Variants in RB1CC1 observed in about 807,000 individuals in gnomAD.
RB1CC1 encodes RB1-inducible coiled-coil protein 1.
A neutral mutation model predicts 177.5 loss-of-function variants in RB1CC1; 46 were observed. That is an observed-to-expected ratio of 0.26 (90% CI 0.20 to 0.33). RB1CC1 has a LOEUF of 0.33. Among genes scored for constraint, RB1CC1 ranks in the 10% least tolerant of loss-of-function variants. The probability of loss-of-function intolerance (pLI) is 1.00; values close to 1 mark genes in which losing one functional copy is unlikely to be tolerated. For missense variants in RB1CC1, 1,703 were observed against 1,816.3 expected (o/e 0.94, Z 1.13); for synonymous variants, 666 against 613.6 (o/e 1.09, Z -1.26).
At chr8:52,646,573 T>C (rs890748954) in intron 15 of RB1CC1, among the ~76,000 whole-genome samples, 2 of 152,198 alleles carry the variant, frequency 1.3e-5, no homozygotes, top group Admixed American at 6.5e-5. Flanking sequence ...TTCCATAAAA[T>C]AGTCTTTGGT....
In RB1CC1 at chr8:52,673,855, G is replaced by A. The variant is rs145052579; in HGVS notation, c.992C>T (p.Ser331Phe). 1 of 1,608,012 alleles carries A rather than the reference G, an allele frequency of 6.2e-7. No homozygotes were observed. Among genetic ancestry groups the A allele is most frequent in the Non-Finnish European group, 8.5e-7 (1 of 1,175,712 alleles). Residue 331 changes from serine (S) to phenylalanine (F), a missense_variant, in exon 7 of 24, where the codon TCT (serine) becomes TTT (phenylalanine). By Grantham distance (155) the Ser-to-Phe change is radical. Transcript: ENST00000025008. ...VESLVRKCFD[S>F]MSRLDPRIIR... ...ATTAACGTTACTTACCCTGCTCATAGAATCAAAGCACTTCCTGACCAAAGA... is the reference window on the plus strand; with the variant it reads ...ATTAACGTTACTTACCCTGCTCATAAAATCAAAGCACTTCCTGACCAAAGA...
intron 1 of RB1CC1, among the ~76,000 whole-genome samples, chr8:52,695,978 G>A (rs974277857): frequency 6.6e-6 from 1 of 152,202 alleles, no homozygotes; most frequent in African/African-American, 2.4e-5. Context: ...TACCTGAAAT[G>A]AGGGCAGTTT....
At chr8:52,643,696 CAA>C (rs34520917) in intron 16 of RB1CC1, among the ~76,000 whole-genome samples, 6,311 of 81,436 alleles carry the variant, frequency 0.077, 147 homozygotes, top group Non-Finnish European at 0.11. Context: ...CTCTAAGAGG[CAA>C]AAAAAAAAAA....
In RB1CC1 at chr8:52,657,700, A is replaced by G. The variant is rs2150481950; in HGVS notation, c.2129T>C (p.Ile710Thr). Residue 710 changes from isoleucine to threonine, a missense_variant, in exon 15 of 24, where the codon ATA (isoleucine) becomes ACA (threonine). Ile to Thr is a moderately conservative substitution (Grantham distance 89). Coordinates refer to ENST00000025008, the MANE Select transcript of RB1CC1 (RefSeq NM_014781.5). Reference sequence around the variant, plus strand: ...AGAAACTTGGTGAATAGTCTGTTCTATGTTTGGATGGGGAATAGTTTCAAA... The same window carrying G: ...AGAAACTTGGTGAATAGTCTGTTCTGTGTTTGGATGGGGAATAGTTTCAAA... The part of the protein sequence containing the change: ...FDFETIPHPN[I>T]EQTIHQVSLD... The G allele has an allele frequency of 6.2e-7, 1 of 1,614,164 alleles. No individual in the cohort carries two copies. Among genetic ancestry groups the G allele is most frequent in the East Asian group, 2.2e-5 (1 of 44,862 alleles).
At chr8:52,634,456 G>C (rs1013851828) in intron 20 of RB1CC1, among the ~76,000 whole-genome samples, 1 of 151,864 alleles carries the variant, frequency 6.6e-6, no homozygotes, top group East Asian at 1.9e-4. Context: ...AACCCGGGAG[G>C]TGGAGGTTGC....
intron 1 of RB1CC1, among the ~76,000 whole-genome samples, chr8:52,694,710 T>C (rs184985439): frequency 3.7e-4 from 57 of 152,182 alleles, no homozygotes; most frequent in African/African-American, 1.2e-3. Context: ...ACTTCCATCA[T>C]ATGGAAGTGA....
At chr8:52,633,944 C>G (rs1018933489) in intron 20 of RB1CC1, among the ~76,000 whole-genome samples, 1 of 151,992 alleles carries the variant, frequency 6.6e-6, no homozygotes, top group East Asian at 1.9e-4. Context: ...AAAAACAAAA[C>G]CTAAAACCAA....
chr8:52,699,939 T>A (rs1410061886), intron 1 of RB1CC1, among the ~76,000 whole-genome samples: 1 of 148,514 alleles, frequency 6.7e-6, no homozygotes, highest in Non-Finnish European at 1.5e-5. Flanking sequence ...GTCTGAATGA[T>A]GCCAGGAGCT....
At chr8:52,682,828 G>A (rs1853881717) in intron 5 of RB1CC1, among the ~76,000 whole-genome samples, 1 of 152,102 alleles carries the variant, frequency 6.6e-6, no homozygotes, top group African/African-American at 2.4e-5. Flanking sequence ...TCACACAGAT[G>A]AGGTTATTTC....
intron 6 of RB1CC1, among the ~76,000 whole-genome samples, chr8:52,675,169 G>C (rs1341087577): frequency 1.3e-5 from 2 of 152,056 alleles, no homozygotes; most frequent in Non-Finnish European, 2.9e-5. Flanking sequence ...ACTTTAAAAA[G>C]ATCTTTCTAG....
intron 13 of RB1CC1, among the ~76,000 whole-genome samples, chr8:52,658,579 G>GAAAAAAA (rs67680393): frequency 1.1e-3 from 113 of 98,710 alleles, no homozygotes; most frequent in East Asian, 1.9e-3. Context: ...TCCGTCTCAA[G>GAAAAAAA]AAAAAAAAAA....
intron 5 of RB1CC1, among the ~76,000 whole-genome samples, chr8:52,681,206 C>T (rs1853688381): frequency 6.6e-6 from 1 of 151,900 alleles, no homozygotes; most frequent in South Asian, 2.1e-4. Context: ...CCATATTAGT[C>T]AGGCTGGTCT....
chr8:52,655,089 C>A (rs994194115), intron 15 of RB1CC1, among the ~76,000 whole-genome samples: 1 of 152,108 alleles, frequency 6.6e-6, no homozygotes, highest in Non-Finnish European at 1.5e-5. Context: ...TTCTCTCATC[C>A]AGCTTTTAAA....
chr8:52,712,467 A>G (rs1332848671), intron 1 of RB1CC1, among the ~76,000 whole-genome samples: 1 of 145,140 alleles, frequency 6.9e-6, no homozygotes, highest in Non-Finnish European at 1.5e-5. Context: ...TCTGCCATGC[A>G]TCCTGATCTT....
intron 8 of RB1CC1, among the ~76,000 whole-genome samples, chr8:52,662,551 A>C (rs1292897309): frequency 6.6e-6 from 1 of 152,070 alleles, no homozygotes; most frequent in Non-Finnish European, 1.5e-5. Context: ...TATATGTAAT[A>C]ATGTTGTAGG....
chr8:52,706,794 G>A (rs1038106944), intron 1 of RB1CC1, among the ~76,000 whole-genome samples: 2 of 151,344 alleles, frequency 1.3e-5, no homozygotes, highest in African/African-American at 4.9e-5. Context: ...GAGTAGCTGG[G>A]ATTATAGGCA....
chr8:52,646,167 T>A (rs535012993), intron 15 of RB1CC1, among the ~76,000 whole-genome samples: 2 of 152,288 alleles, frequency 1.3e-5, no homozygotes, highest in African/African-American at 4.8e-5. Context: ...GGAGTAGCCA[T>A]TCTTTTATTC....
intron 1 of RB1CC1, among the ~76,000 whole-genome samples, chr8:52,707,878 C>T (rs1856719295): frequency 6.6e-6 from 1 of 152,110 alleles, no homozygotes; most frequent in Admixed American, 6.5e-5. Context: ...ACAAAATTTA[C>T]TTGTATTTGA....
chr8:52,666,716 G>C (rs1852100849), intron 8 of RB1CC1, among the ~76,000 whole-genome samples: 1 of 151,998 alleles, frequency 6.6e-6, no homozygotes, highest in South Asian at 2.1e-4. Flanking sequence ...TGAAACTGTA[G>C]AGCTGAAAAA....
Sources: allele counts gnomAD v4.1 joint callset (sites outside exome capture counted in the v4.1 genomes callset), GRCh38; gene constraint gnomAD v4.1.1; transcripts MANE v1.5; gene names NCBI Gene and HGNC (gene_info 2026-07-23, HGNC 2026-07-21).